Variants in COL16A1 observed in about 807,000 individuals in gnomAD.
COL16A1 encodes the protein collagen type XVI alpha 1 chain.
A neutral mutation model predicts 266.3 loss-of-function variants in COL16A1; 189 were observed. The observed-to-expected ratio is 0.71, with a 90% CI of 0.63 to 0.80. The LOEUF (loss-of-function observed/expected upper bound fraction) is 0.80, where lower values mean the gene tolerates loss of function less well. Ranked by LOEUF, COL16A1 falls within the 30% of genes least tolerant of loss-of-function variation. COL16A1 has a pLI of 0.00. For synonymous variants in COL16A1, 740 were observed against 782.3 expected, an observed-to-expected ratio of 0.95 and a Z score of 0.90; for missense variants, 1,928 against 2,122.4, an observed-to-expected ratio of 0.91 and a Z score of 1.80.
intron 31 of COL16A1, 55 bp from the exon 32 acceptor site, chr1:31,684,286 C>G: frequency 6.9e-7 from 1 of 1,452,020 alleles, no homozygotes; most frequent in South Asian, 1.5e-5. Context: ...GCACCCAGGC[C>G]AGGACGCCCT....
chr1:31,662,481 C>T, intron 57 of COL16A1, 94 bp from the exon 58 acceptor site: 1 of 1,559,728 alleles, frequency 6.4e-7, no homozygotes, highest in South Asian at 1.2e-5. Context: ...CCACCCCTCC[C>T]CTGACTCCCA....
At chr1:31,700,620 A>G (rs1345460680) in intron 2 of COL16A1, among the ~76,000 whole-genome samples, 1 of 152,236 alleles carries the variant, frequency 6.6e-6, no homozygotes, top group East Asian at 1.9e-4. Context: ...GTGTCTGTAC[A>G]TGTGGGAGTT....
intron 55 of COL16A1, 164 bp from the exon 56 acceptor site, chr1:31,665,398 C>T (rs1642040483): frequency 7.1e-7 from 1 of 1,409,982 alleles, no homozygotes; most frequent in East Asian, 2.4e-5. Context: ...TGGGCTGGGG[C>T]CCACACAAGA....
At chr1:31,696,248 C>A in intron 8 of COL16A1, 107 bp from the exon 9 acceptor site, 1 of 998,742 alleles carries the variant, frequency 1.0e-6, no homozygotes, top group South Asian at 1.4e-5. Flanking sequence ...AATCCTTCAG[C>A]CTGGCATCTG....
At position 31,668,749 on chromosome 1, in the gene COL16A1, C is replaced by G; in HGVS notation, c.3249+53G>C. On this transcript the variant is annotated intron_variant, in intron 50 of 70. Transcript: ENST00000373672. The surrounding 1 kb of genome is among the most constrained non-coding windows in gnomAD (Gnocchi z 5.8). ...CCTTCAGAGCTCAAGCTCTGCCTCC[C>G]CAGCTCTTCCTCCCTTTCCAGCCCT... 1.2e-6 allele frequency: 2 copies of G among 1,602,616 alleles called. No homozygotes were observed. Among genetic ancestry groups the G allele is most frequent in the Non-Finnish European group, 1.7e-6 (2 of 1,169,852 alleles).
chr1:31,687,409 G>T (rs546635954), intron 26 of COL16A1, among the ~76,000 whole-genome samples: 1 of 97,498 alleles, frequency 1.0e-5, no homozygotes, highest in South Asian at 4.1e-4. Flanking sequence ...AACCAACAAC[G>T]CACAGACACA....
Position 31,672,814 on chromosome 1 carries a change from C to T in COL16A1, c.2886G>A (p.Gly962=), listed in dbSNP as rs745890712. 3 of 1,614,066 alleles carry T rather than the reference C, an allele frequency of 1.9e-6. No individual in the cohort carries two copies. Among genetic ancestry groups the T allele is most frequent in the Admixed American group, 1.7e-5 (1 of 60,018 alleles). The part of the protein sequence containing the change: ...LKSICGDCVQ[G]QRAHPGYLVE... The stretch of plus-strand genomic sequence containing the variant: ...CGAGGTACCCTGGGTGGGCCCTCTG[C>T]CCCTGGACACAGTCCCCGCAGATAC... The change falls in exon 45 of 71, where the codon GGG becomes GGA. Residue 962 remains glycine (G), a synonymous_variant. Transcript: ENST00000373672.
intron 44 of COL16A1, chr1:31,673,086 C>A: frequency 1.7e-6 from 1 of 575,790 alleles, no homozygotes; most frequent in South Asian, 1.9e-5. Context: ...GCCAAAGCCA[C>A]TTTCCAGACA....
In COL16A1 at chr1:31,684,554, A is replaced by T. The variant is rs1557666388; in HGVS notation, c.2129T>A (p.Val710Asp). ...GRPGLSGEPG[V>D]QGPAGPKGEK... Reference sequence around the variant, plus strand: ...TCCTTTTGGCCCCGCGGGGCCCTGAACTCCAGGCTCTCCTGACAGTCCTGG... The same window carrying T: ...TCCTTTTGGCCCCGCGGGGCCCTGATCTCCAGGCTCTCCTGACAGTCCTGG... Residue 710 changes from valine to aspartate, a missense_variant, in exon 31 of 71, where the codon GTT becomes GAT. Val to Asp is a radical substitution (Grantham distance 152, BLOSUM62 -3). Transcript: ENST00000373672. The T allele has an allele frequency of 2.5e-6, 4 of 1,612,802 alleles. No individual in the cohort carries two copies. The highest frequency in any genetic ancestry group is 3.4e-6 in the Non-Finnish European group (4 of 1,179,696).
At chr1:31,687,552 G>A (rs1292052436) in intron 26 of COL16A1, among the ~76,000 whole-genome samples, 1 of 151,922 alleles carries the variant, frequency 6.6e-6, no homozygotes, top group Non-Finnish European at 1.5e-5. Context: ...CTATGGCAGT[G>A]GTGGGCGTGG....
At position 31,700,042 on chromosome 1, in the gene COL16A1, A is replaced by T; in HGVS notation, c.147T>A (p.Thr49=). 6 of 1,614,176 alleles carry T rather than the reference A, an allele frequency of 3.7e-6. No homozygotes were observed. The highest frequency in any genetic ancestry group is 5.1e-6 in the Non-Finnish European group (6 of 1,180,024). ...GCGATGAGATGGTTGGGTGCTCACC[A>T]GTCACGTTGGCTGGCAGGCTACTAC... ...EHSSSLPANV[T]GFNLIHRLSL... Residue 49 remains threonine (T), a splice_region_variant and synonymous_variant, in exon 3 of 71, where the codon ACT becomes ACA. Transcript: ENST00000373672.
intron 40 of COL16A1, 86 bp downstream of exon 40, chr1:31,679,956 G>A: frequency 1.3e-6 from 2 of 1,581,102 alleles, no homozygotes; most frequent in Non-Finnish European, 1.7e-6. Flanking sequence ...GCGTGGCCCT[G>A]CGGGGCCTTT....
chr1:31,661,383 A>G (rs1557615236), intron 60 of COL16A1, 31 bp downstream of exon 60: 3 of 1,613,918 alleles, frequency 1.9e-6, no homozygotes. Context: ...GAGCAGAGAT[A>G]ACCTGCTTGG....
At chr1:31,661,167 T>A in intron 60 of COL16A1, 48 bp from the exon 61 acceptor site, 1 of 1,548,082 alleles carries the variant, frequency 6.5e-7, no homozygotes. Flanking sequence ...TCACTTGACA[T>A]CCCTACCCCA....
At chr1:31,676,433 C>T (rs1172868660) in intron 42 of COL16A1, among the ~76,000 whole-genome samples, 5 of 152,160 alleles carry the variant, frequency 3.3e-5, no homozygotes, top group Admixed American at 1.3e-4. Context: ...GCTTCTAACC[C>T]CTCTCTTAAC....
intron 70 of COL16A1, chr1:31,653,298 G>A (rs1557597934): frequency 3.0e-6 from 1 of 338,948 alleles, no homozygotes; most frequent in Non-Finnish European, 5.4e-6. Flanking sequence ...TCTTCAAGGT[G>A]TACAGCCAGT....
chr1:31,699,120 A>AACAC (rs1267387221), intron 4 of COL16A1, among the ~76,000 whole-genome samples: 1 of 148,880 alleles, frequency 6.7e-6, no homozygotes, highest in Admixed American at 6.6e-5. Flanking sequence ...CAACCAACCA[A>AACAC]ACAAACAAAC....
In COL16A1 at chr1:31,668,352, C is replaced by G. The variant is rs1642327270; in HGVS notation, c.3250-134G>C. The G allele has an allele frequency of 1.1e-6, 1 of 913,192 alleles. No homozygotes were observed. Among genetic ancestry groups the G allele is most frequent in the African/African-American group, 1.7e-5 (1 of 59,666 alleles). 56.6% of individuals were successfully genotyped at this position (913,192 alleles called of 1,614,324 possible). Reference sequence around the variant, plus strand: ...TGCCAGCCTGCCCCAGCATTGCACACTGGGCCATCTCCCCAAGCCCCAGGT... The same window carrying G: ...TGCCAGCCTGCCCCAGCATTGCACAGTGGGCCATCTCCCCAAGCCCCAGGT... On this transcript the variant is annotated intron_variant, in intron 50 of 70. Transcript: ENST00000373672. This position sits in a 1 kb window ranked among gnomAD's most constrained non-coding sequence, Gnocchi z 5.8.
In COL16A1 at chr1:31,700,171, G is replaced by A. The variant is rs368644453; in HGVS notation, c.74-56C>T. On this transcript the variant is annotated intron_variant, in intron 2 of 70. Transcript: ENST00000373672. ...TGCGCTCAGGCCAAGGTTGCTGCAC[G>A]GCTGGACGCCTGGGGAACCTGGGAG... The A allele has an allele frequency of 2.1e-5, 33 of 1,557,722 alleles. 1 individual carries two copies. The highest frequency in any genetic ancestry group is 1.4e-4 in the African/African-American group (10 of 73,828).
Sources: gnomAD v4.1 joint callset for allele counts (sites outside exome capture counted in the v4.1 genomes callset) on GRCh38, gnomAD v4.1.1 for gene constraint, Gnocchi (gnomAD v3.1) non-coding constraint, MANE v1.5 for transcripts, NCBI Gene and HGNC (gene_info 2026-07-23, HGNC 2026-07-21) for gene names.